RNF150: variants seen among roughly 807,000 people sequenced by gnomAD.
RNF150 encodes ring finger protein 150.
In RNF150, 24 loss-of-function variants were observed where a neutral mutation model predicts 39.3. That is an observed-to-expected ratio of 0.61 (90% confidence interval 0.44 to 0.86). The LOEUF (loss-of-function observed/expected upper bound fraction) is 0.86. RNF150 is among the 40% of genes least tolerant of loss of function. The pLI, the probability that RNF150 is intolerant of heterozygous loss-of-function variation, is 0.00. For synonymous variants in RNF150, 255 were observed against 227.3 expected, an observed-to-expected ratio of 1.12 and a Z score of -1.10; for missense variants, 502 against 587.8, an observed-to-expected ratio of 0.85 and a Z score of 1.51.
chr4:140,897,240 G>T (rs1427370814), intron 6 of RNF150, among the ~76,000 whole-genome samples: 1 of 152,206 alleles, frequency 6.6e-6, no homozygotes, highest in African/African-American at 2.4e-5. Flanking sequence ...ATTAATATGA[G>T]AAAATTTCAA....
intron 6 of RNF150, among the ~76,000 whole-genome samples, chr4:140,880,926 G>T (rs1453806879): frequency 2.0e-5 from 3 of 151,990 alleles, no homozygotes; most frequent in African/African-American, 7.2e-5. Flanking sequence ...TCTAGCTAAG[G>T]ATCTGTCAAT....
chr4:141,124,636 G>A (rs935715459), intron 1 of RNF150, among the ~76,000 whole-genome samples: 2 of 152,180 alleles, frequency 1.3e-5, no homozygotes, highest in Non-Finnish European at 2.9e-5. Flanking sequence ...GAGAAAAAGG[G>A]GGAAACAAGC....
intron 1 of RNF150, among the ~76,000 whole-genome samples, chr4:141,079,892 T>A (rs553279378): frequency 1.3e-5 from 2 of 152,218 alleles, no homozygotes; most frequent in African/African-American, 4.8e-5. Context: ...TTCAGTTCTC[T>A]TATAAGTAAA....
At chr4:141,038,477 T>C (rs1342409659) in intron 1 of RNF150, among the ~76,000 whole-genome samples, 1 of 152,070 alleles carries the variant, frequency 6.6e-6, no homozygotes, top group East Asian at 1.9e-4. Context: ...ATCACTTGAA[T>C]CTAAGAGATC....
intron 1 of RNF150, among the ~76,000 whole-genome samples, chr4:141,159,649 C>T (rs1727477551): frequency 6.6e-6 from 1 of 152,018 alleles, no homozygotes; most frequent in African/African-American, 2.4e-5. Flanking sequence ...CCCAAGTGAT[C>T]CTCCCACCAC....
intron 1 of RNF150, among the ~76,000 whole-genome samples, chr4:141,015,717 C>G (rs971316867): frequency 3.3e-5 from 5 of 152,142 alleles, no homozygotes; most frequent in Non-Finnish European, 5.9e-5. Context: ...TTTCCTTCTT[C>G]TTTTCCTATT....
intron 1 of RNF150, among the ~76,000 whole-genome samples, chr4:141,173,295 G>A (rs1045450291): frequency 1.3e-5 from 2 of 152,188 alleles, no homozygotes; most frequent in Admixed American, 6.5e-5. Flanking sequence ...TCACTTTATA[G>A]TGGGTGTCTT....
rs780292021 is a variant in RNF150 at position 140,935,912 on chromosome 4, C to T, written c.891-9839G>A. Among the ~76,000 whole-genome samples, 48 of 152,150 alleles carry T rather than the reference C, an allele frequency of 3.2e-4. 2 individuals carry two copies. Among genetic ancestry groups the T allele is most frequent in the Admixed American group, 5.2e-4 (8 of 15,266 alleles). ...TGAAGATATACACCATCCTATCACC[C>T]CAGAAAGTCCTCCTGTGCCCCTTAC... On this transcript the variant is annotated intron_variant, in intron 4 of 6. Transcript: ENST00000515673.
At chr4:141,052,620 C>A (rs964511977) in intron 1 of RNF150, among the ~76,000 whole-genome samples, 1 of 152,296 alleles carries the variant, frequency 6.6e-6, no homozygotes, top group Non-Finnish European at 1.5e-5. Context: ...AGGTGATCCA[C>A]CTGCCTTGGC....
At chr4:141,073,305 C>T (rs1002371027) in intron 1 of RNF150, among the ~76,000 whole-genome samples, 8 of 152,074 alleles carry the variant, frequency 5.3e-5, no homozygotes, top group African/African-American at 7.2e-5. Context: ...CCACAGATAC[C>T]GGGCATTATC....
chr4:141,067,845 G>GA (rs1737521811), intron 1 of RNF150, among the ~76,000 whole-genome samples: 2 of 152,088 alleles, frequency 1.3e-5, no homozygotes, highest in South Asian at 4.1e-4. Flanking sequence ...AAGGCAAATA[G>GA]AAGGGTTTTG....
chr4:141,079,330 A>G (rs547834847), intron 1 of RNF150, among the ~76,000 whole-genome samples: 1 of 152,204 alleles, frequency 6.6e-6, no homozygotes, highest in African/African-American at 2.4e-5. Flanking sequence ...GTAGGCCATT[A>G]AAACTCCTAA....
chr4:141,007,581 A>G (rs201227449), intron 1 of RNF150, among the ~76,000 whole-genome samples: 1 of 152,186 alleles, frequency 6.6e-6, no homozygotes, highest in Non-Finnish European at 1.5e-5. Context: ...CGTGTACTTA[A>G]ATTATTTTAC....
intron 1 of RNF150, among the ~76,000 whole-genome samples, chr4:141,178,820 C>T (rs1727859069): frequency 7.0e-6 from 1 of 143,708 alleles, no homozygotes; most frequent in African/African-American, 3.0e-5. Flanking sequence ...GGTATTCCTG[C>T]AAAGCTGAGT....
chr4:141,204,775 C>T (rs1171895293), intron 1 of RNF150, among the ~76,000 whole-genome samples: 1 of 152,194 alleles, frequency 6.6e-6, no homozygotes, highest in Non-Finnish European at 1.5e-5. Flanking sequence ...GCACATTTTA[C>T]ACTTGCTGAG....
chr4:141,183,272 G>A (rs371854835), intron 1 of RNF150, among the ~76,000 whole-genome samples: 1 of 152,072 alleles, frequency 6.6e-6, no homozygotes, highest in African/African-American at 2.4e-5. Flanking sequence ...TGGTAGACCT[G>A]TTATTGTTGA....
intron 1 of RNF150, among the ~76,000 whole-genome samples, chr4:141,007,400 G>T (rs889837068): frequency 6.6e-6 from 1 of 152,172 alleles, no homozygotes; most frequent in African/African-American, 2.4e-5. Context: ...GGCCTAATTA[G>T]TAAGTTTTTC....
chr4:141,051,106 G>A (rs896535278), intron 1 of RNF150, among the ~76,000 whole-genome samples: 1 of 152,156 alleles, frequency 6.6e-6, no homozygotes, highest in Non-Finnish European at 1.5e-5. Flanking sequence ...CTTATGGCTT[G>A]TACCCTCTGA....
intron 6 of RNF150, among the ~76,000 whole-genome samples, chr4:140,909,938 C>T (rs903845383): frequency 3.9e-5 from 6 of 152,098 alleles, no homozygotes; most frequent in African/African-American, 1.4e-4. Context: ...GGTATGGTTA[C>T]AATATTCAAT....
Sources: allele counts gnomAD v4.1 joint callset (sites outside exome capture counted in the v4.1 genomes callset), GRCh38; gene constraint gnomAD v4.1.1; transcripts MANE v1.5; gene names NCBI Gene and HGNC (gene_info 2026-07-23, HGNC 2026-07-21).